ANOS1: variants seen among roughly 807,000 people sequenced by gnomAD.
ANOS1 encodes the protein anosmin 1, also known as anosmin-1.
ANOS1 carries 6 observed loss-of-function variants against 59.0 expected under a neutral mutation model. That is an observed-to-expected ratio of 0.10 (90% CI 0.06 to 0.20). ANOS1 has a LOEUF of 0.20. ANOS1 is among the 10% of genes least tolerant of loss of function. The pLI is 1.00. For synonymous variants in ANOS1, 217 were observed against 223.4 expected (o/e 0.97, Z 0.25); for missense variants, 433 against 542.3 (o/e 0.80, Z 2.00).
intron 2 of ANOS1, among the ~76,000 whole-genome samples, chrX:8,667,886 G>A (rs187266724): frequency 4.6e-4 from 51 of 111,168 alleles, no homozygotes; most frequent in African/African-American, 1.7e-3. Flanking sequence ...GAGCCAGATG[G>A]ACTGGATTAG....
At chrX:8,609,008 C>T (rs1370540833) in intron 3 of ANOS1, among the ~76,000 whole-genome samples, 1 of 112,184 alleles carries the variant, frequency 8.9e-6, no homozygotes, top group Non-Finnish European at 1.9e-5. Flanking sequence ...CACTAATGTA[C>T]ATAGAACATA....
chrX:8,694,819 A>C (rs1932659599), intron 2 of ANOS1, among the ~76,000 whole-genome samples: 1 of 112,169 alleles, frequency 8.9e-6, no homozygotes. Context: ...GCTTGGACTG[A>C]AAAAAAGGAA....
At chrX:8,651,376 G>A (rs941290711) in intron 2 of ANOS1, among the ~76,000 whole-genome samples, 6 of 112,327 alleles carry the variant, frequency 5.3e-5, no homozygotes, top group Non-Finnish European at 3.8e-5. Flanking sequence ...AAGAATTGGG[G>A]AGAAAAATGT....
chrX:8,703,048 G>T, intron 1 of ANOS1, among the ~76,000 whole-genome samples: 1 of 112,260 alleles, frequency 8.9e-6, no homozygotes, highest in Non-Finnish European at 1.9e-5. Flanking sequence ...GATGAGATCA[G>T]GGGACCCTCA....
chrX:8,576,977 TC>T (rs1036217810), intron 6 of ANOS1, among the ~76,000 whole-genome samples: 9 of 110,238 alleles, frequency 8.2e-5, no homozygotes, highest in African/African-American at 3.1e-4. Flanking sequence ...TTACAATCAC[TC>T]AACTCTGCCC....
At chrX:8,571,811 A>G (rs892804008) in intron 6 of ANOS1, among the ~76,000 whole-genome samples, 2 of 112,290 alleles carry the variant, frequency 1.8e-5, no homozygotes, top group African/African-American at 6.5e-5. Flanking sequence ...TCAAGATGCC[A>G]TCACGGGAAG....
intron 3 of ANOS1, among the ~76,000 whole-genome samples, chrX:8,605,929 C>G (rs1028746429): frequency 9.6e-6 from 1 of 104,606 alleles, no homozygotes; most frequent in Non-Finnish European, 1.9e-5. Flanking sequence ...AAAGCAATGT[C>G]TATATAATTC....
chrX:8,698,140 C>T lies in ANOS1; in HGVS notation c.255+1558G>A, dbSNP rs1262270900. Among the ~76,000 whole-genome samples, 3 of 112,027 alleles carry T rather than the reference C, an allele frequency of 2.7e-5. No homozygotes were observed. The East Asian group carries it at 8.4e-4, about 31-fold the overall frequency. On this transcript the variant is annotated intron_variant, in intron 2 of 13. Coordinates refer to ENST00000262648, the MANE Select transcript of ANOS1 (RefSeq NM_000216.4). ...AATATATTCCAGAGTTTCAGTTGGGCTTAATTGTGACTTATTGATTGATTT... is the reference window on the plus strand; with the variant it reads ...AATATATTCCAGAGTTTCAGTTGGGTTTAATTGTGACTTATTGATTGATTT...
At chrX:8,651,373 G>C (rs916490108) in intron 2 of ANOS1, among the ~76,000 whole-genome samples, 6 of 112,311 alleles carry the variant, frequency 5.3e-5, no homozygotes, top group African/African-American at 1.9e-4. Flanking sequence ...TTGAAGAATT[G>C]GGGAGAAAAA....
chrX:8,604,695 A>T (rs957644028), intron 3 of ANOS1, among the ~76,000 whole-genome samples: 1 of 112,182 alleles, frequency 8.9e-6, no homozygotes, highest in Non-Finnish European at 1.9e-5. Context: ...AAGTACTCCA[A>T]ACTATAATCC....
intron 2 of ANOS1, among the ~76,000 whole-genome samples, chrX:8,644,444 C>T (rs1404080680): frequency 9.1e-6 from 1 of 109,800 alleles, no homozygotes; most frequent in Non-Finnish European, 1.9e-5. Flanking sequence ...TCCAACCTGA[C>T]CGTAGTATAG....
intron 2 of ANOS1, among the ~76,000 whole-genome samples, chrX:8,666,201 A>C (rs1381258319): frequency 9.0e-6 from 1 of 111,375 alleles, no homozygotes; most frequent in Non-Finnish European, 1.9e-5. Flanking sequence ...GTCTCTAAAA[A>C]CAAATATGAT....
intron 2 of ANOS1, among the ~76,000 whole-genome samples, chrX:8,663,082 C>T (rs1932068498): frequency 9.0e-6 from 1 of 111,398 alleles, no homozygotes; most frequent in Non-Finnish European, 1.9e-5. Context: ...AGAACATCTA[C>T]AAGCCAAGGA....
At chrX:8,537,568 T>A (rs1929616013) in intron 10 of ANOS1, among the ~76,000 whole-genome samples, 1 of 111,696 alleles carries the variant, frequency 9.0e-6, no homozygotes, top group Admixed American at 9.5e-5. Context: ...TAAATGGCAC[T>A]TATCCATTCT....
chrX:8,709,306 A>G (rs1201774104), intron 1 of ANOS1, among the ~76,000 whole-genome samples: 1 of 111,170 alleles, frequency 9.0e-6, no homozygotes, highest in Non-Finnish European at 1.9e-5. Flanking sequence ...ACATATACAC[A>G]GTGGAGTATT....
At chrX:8,535,324 C>T in intron 12 of ANOS1, 1 of 399,056 alleles carries the variant, frequency 2.5e-6, no homozygotes, top group Non-Finnish European at 4.4e-6. Context: ...GGCTCAATCA[C>T]TTATATACAA....
intron 7 of ANOS1, among the ~76,000 whole-genome samples, 184 bp from the exon 8 acceptor site, chrX:8,568,560 G>A (rs894781404): frequency 1.4e-4 from 15 of 111,024 alleles, no homozygotes; most frequent in African/African-American, 4.6e-4. Context: ...CAGGCCAGGT[G>A]CGGTGGCTCC....
At chrX:8,710,103 T>C (rs1454990269) in intron 1 of ANOS1, among the ~76,000 whole-genome samples, 1 of 110,625 alleles carries the variant, frequency 9.0e-6, no homozygotes. Context: ...GCTAATTTTT[T>C]GTATTTTTAG....
intron 1 of ANOS1, among the ~76,000 whole-genome samples, chrX:8,709,616 C>T (rs1218500570): frequency 4.5e-5 from 5 of 111,737 alleles, no homozygotes; most frequent in East Asian, 5.7e-4. Flanking sequence ...TGACATGATG[C>T]GAATATTTAT....
Sources: gnomAD v4.1 joint callset for allele counts (sites outside exome capture counted in the v4.1 genomes callset) on GRCh38, gnomAD v4.1.1 for gene constraint, MANE v1.5 for transcripts, NCBI Gene and HGNC (gene_info 2026-07-23, HGNC 2026-07-21) for gene names.